The following NELL1 variants were observed in gnomAD, a reference collection of about 807,000 sequenced individuals.
NELL1 encodes the protein neural EGFL like 1, also known as protein kinase C-binding protein NELL1.
NELL1 carries 76 observed loss-of-function variants against 107.4 expected under a neutral mutation model. The observed-to-expected ratio is 0.71, with a 90% confidence interval of 0.59 to 0.86. The LOEUF (loss-of-function observed/expected upper bound fraction) is 0.86, where lower values mean the gene tolerates loss of function less well. NELL1 is among the 40% of genes least tolerant of loss of function. NELL1 has a pLI of 0.00. For missense variants in NELL1, 1,024 were observed against 1,005.5 expected (o/e 1.02, Z -0.25); for synonymous variants, 353 against 341.2 (o/e 1.03, Z -0.38).
intron 18 of NELL1, among the ~76,000 whole-genome samples, chr11:21,571,249 G>C (rs1032008145): frequency 4.0e-5 from 6 of 151,854 alleles, no homozygotes; most frequent in African/African-American, 1.4e-4. Context: ...CTTGACTAGT[G>C]CTTGTAGTCC....
intron 12 of NELL1, among the ~76,000 whole-genome samples, chr11:20,973,774 T>C (rs1851549493): frequency 6.6e-6 from 1 of 152,250 alleles, no homozygotes; most frequent in African/African-American, 2.4e-5. Context: ...GCTAACAGTT[T>C]CTAAGGAGCT....
At chr11:20,781,008 G>A (rs939884938) in intron 2 of NELL1, among the ~76,000 whole-genome samples, 3 of 152,150 alleles carry the variant, frequency 2.0e-5, no homozygotes, top group Admixed American at 1.3e-4. Flanking sequence ...GAAATGACTC[G>A]GACTTAGGGT....
At chr11:20,979,907 C>CT (rs956113067) in intron 12 of NELL1, among the ~76,000 whole-genome samples, 1 of 152,030 alleles carries the variant, frequency 6.6e-6, no homozygotes, top group African/African-American at 2.4e-5. Flanking sequence ...ATCATTTTGG[C>CT]TTTTTTCCTT....
At chr11:20,731,066 G>C (rs1051102018) in intron 2 of NELL1, among the ~76,000 whole-genome samples, 3 of 124,982 alleles carry the variant, frequency 2.4e-5, no homozygotes, top group African/African-American at 8.7e-5. Context: ...GAGTTAATCG[G>C]TATGTATGAG....
At chr11:21,302,101 A>C (rs2133625266) in intron 14 of NELL1, among the ~76,000 whole-genome samples, 1 of 152,118 alleles carries the variant, frequency 6.6e-6, no homozygotes, top group South Asian at 2.1e-4. Context: ...AACCAACCCA[A>C]AGTGTTGTGG....
At chr11:20,965,411 G>A (rs1450434573) in intron 12 of NELL1, among the ~76,000 whole-genome samples, 2 of 152,136 alleles carry the variant, frequency 1.3e-5, no homozygotes, top group Non-Finnish European at 2.9e-5. Flanking sequence ...TTGCAGGAGT[G>A]TGTGCTCATT....
chr11:21,480,716 A>G (rs1854471148), intron 15 of NELL1, among the ~76,000 whole-genome samples: 2 of 152,172 alleles, frequency 1.3e-5, no homozygotes, highest in Admixed American at 1.3e-4. Flanking sequence ...GCTCATTAGT[A>G]AGTAGATGTG....
At chr11:21,226,950 G>A (rs1009846670) in intron 13 of NELL1, among the ~76,000 whole-genome samples, 14 of 152,206 alleles carry the variant, frequency 9.2e-5, no homozygotes, top group Non-Finnish European at 1.8e-4. Flanking sequence ...AAACAAACTC[G>A]TACATTTGTA....
chr11:20,727,765 A>AT (rs1855541444), intron 2 of NELL1, among the ~76,000 whole-genome samples: 1 of 152,128 alleles, frequency 6.6e-6, no homozygotes, highest in Non-Finnish European at 1.5e-5. Context: ...TCTTGAATTA[A>AT]TTTTTGTATA....
intron 4 of NELL1, among the ~76,000 whole-genome samples, chr11:20,854,291 T>C (rs12282122): frequency 6.6e-6 from 1 of 152,184 alleles, no homozygotes; most frequent in Non-Finnish European, 1.5e-5. Flanking sequence ...TTCCTAAGTA[T>C]AAAATGTGGG....
chr11:20,964,562 CAA>C (rs1229746114), intron 12 of NELL1, among the ~76,000 whole-genome samples: 1 of 152,154 alleles, frequency 6.6e-6, no homozygotes, highest in Non-Finnish European at 1.5e-5. Context: ...TGAGTACAGA[CAA>C]GAGGATTCAG....
At chr11:21,530,789 G>C (rs1476127897) in intron 15 of NELL1, among the ~76,000 whole-genome samples, 1 of 152,042 alleles carries the variant, frequency 6.6e-6, no homozygotes, top group Non-Finnish European at 1.5e-5. Flanking sequence ...AATTGACATT[G>C]TAGTTTGTGA....
At chr11:21,512,523 C>G (rs192578046) in intron 15 of NELL1, among the ~76,000 whole-genome samples, 1 of 152,032 alleles carries the variant, frequency 6.6e-6, no homozygotes, top group East Asian at 1.9e-4. Context: ...ATGTGCTTGT[C>G]TCCCTCAAGG....
intron 3 of NELL1, among the ~76,000 whole-genome samples, chr11:20,845,043 A>G (rs546199684): frequency 2.6e-5 from 4 of 152,306 alleles, no homozygotes; most frequent in African/African-American, 9.6e-5. Flanking sequence ...TTTTATCCAG[A>G]TGTCACTTAG....
intron 3 of NELL1, among the ~76,000 whole-genome samples, chr11:20,817,517 A>C (rs903749142): frequency 6.6e-6 from 1 of 151,094 alleles, no homozygotes; most frequent in Non-Finnish European, 1.5e-5. Context: ...GCTTATTTGG[A>C]TCTTCTCTTT....
At chr11:21,189,681 CTT>C (rs58557342) in intron 13 of NELL1, among the ~76,000 whole-genome samples, 1,495 of 141,448 alleles carry the variant, frequency 0.011, 35 homozygotes, top group African/African-American at 0.019. Flanking sequence ...TTGTTTCTTC[CTT>C]TTTTTTTTTT....
At chr11:21,522,829 CTTT>C (rs1353302545) in intron 15 of NELL1, among the ~76,000 whole-genome samples, 2 of 109,188 alleles carry the variant, frequency 1.8e-5, no homozygotes, top group African/African-American at 6.2e-5. Context: ...CTATTTTTTT[CTTT>C]TCTTTTTTTT....
At position 20,701,774 on chromosome 11, in the gene NELL1, C is replaced by T. The variant is rs1854795953; in HGVS notation, c.184+23714C>T. On this transcript the variant is annotated intron_variant, in intron 2 of 19. Coordinates refer to ENST00000357134, the MANE Select transcript of NELL1 (RefSeq NM_006157.5). ...CATTTATTAAATGGGGAATCCTTTC[C>T]CCATTGCTTGTTTTTGTCAGGTTTG... Among the ~76,000 whole-genome samples the T allele has an allele frequency of 2.0e-5, 3 of 152,144 alleles. No homozygotes were observed. In the South Asian group the frequency reaches 6.2e-4, roughly 32 times the overall value.
chr11:20,712,172 A>G (rs1157033922), intron 2 of NELL1, among the ~76,000 whole-genome samples: 1 of 151,844 alleles, frequency 6.6e-6, no homozygotes, highest in Non-Finnish European at 1.5e-5. Flanking sequence ...CTTTGTTTTT[A>G]TCTGATTGGG....
Sources: gnomAD v4.1 joint callset for allele counts (sites outside exome capture counted in the v4.1 genomes callset) on GRCh38, gnomAD v4.1.1 for gene constraint, MANE v1.5 for transcripts, NCBI Gene and HGNC (gene_info 2026-07-23, HGNC 2026-07-21) for gene names.